Variants in CACNA1B observed in about 807,000 individuals in gnomAD.
CACNA1B encodes the protein calcium voltage-gated channel subunit alpha1 B.
Under a neutral mutation model 247.2 loss-of-function variants are expected in CACNA1B, and 70 were observed. That is an observed-to-expected ratio of 0.28 (90% CI 0.23 to 0.35). The LOEUF (loss-of-function observed/expected upper bound fraction) is 0.35. CACNA1B is among the 10% of genes least tolerant of loss of function. The pLI is 1.00. For missense variants in CACNA1B, 2,367 were observed against 3,197.4 expected (o/e 0.74, Z 6.26); for synonymous variants, 1,231 against 1,294.4 (o/e 0.95, Z 1.05).
At chr9:137,918,294 C>A (rs564323120) in intron 6 of CACNA1B, among the ~76,000 whole-genome samples, 2 of 152,062 alleles carry the variant, frequency 1.3e-5, no homozygotes, top group Non-Finnish European at 2.9e-5. Flanking sequence ...CCCCCACCAC[C>A]GACTCTTGAG....
At chr9:138,103,249 C>T (rs1961314218) in intron 38 of CACNA1B, among the ~76,000 whole-genome samples, 1 of 152,192 alleles carries the variant, frequency 6.6e-6, no homozygotes, top group African/African-American at 2.4e-5. Context: ...GCCCTGGGGG[C>T]AGGTGGGGCC....
intron 12 of CACNA1B, among the ~76,000 whole-genome samples, chr9:137,981,733 C>T (rs1384517117): frequency 1.3e-5 from 2 of 152,238 alleles, no homozygotes; most frequent in African/African-American, 4.8e-5. Context: ...CCTGCCTCAG[C>T]CTCCCAAAGT....
intron 36 of CACNA1B, among the ~76,000 whole-genome samples, chr9:138,086,129 C>G (rs1187119726): frequency 6.6e-6 from 1 of 151,210 alleles, no homozygotes; most frequent in Non-Finnish European, 1.5e-5. Flanking sequence ...TAAGTCCTAC[C>G]TATAAATGAT....
chr9:138,121,761 G>A lies in CACNA1B; in HGVS notation c.6782G>A (p.Gly2261Glu). ...GSRIGSDPYL[G>E]QRLDSEASVH... Reference sequence around the variant, plus strand: ...CGAATTGGCTCTGACCCTTACCTGGGGCAGCGTCTGGACAGTGAGGCCTCT... The same window carrying A: ...CGAATTGGCTCTGACCCTTACCTGGAGCAGCGTCTGGACAGTGAGGCCTCT... Residue 2261 changes from glycine (G) to glutamate (E), a missense_variant, in exon 47 of 47, where the codon GGG becomes GAG. Around this residue, in one of 12 missense-constraint regions of CACNA1B, gnomAD observed 773 missense variants for 779.4 expected, o/e 0.99. Coordinates refer to ENST00000371372, the MANE Select transcript of CACNA1B (RefSeq NM_000718.4). This position sits in a 1 kb window ranked among gnomAD's most constrained non-coding sequence, Gnocchi z 6.8. 6.2e-7 allele frequency: 1 copy of A among 1,613,250 alleles called. No homozygotes were observed. Among genetic ancestry groups the A allele is most frequent in the Middle Eastern group, 1.6e-4 (1 of 6,062 alleles).
chr9:138,112,999 C>T (rs1467216515), intron 40 of CACNA1B, among the ~76,000 whole-genome samples: 9 of 135,446 alleles, frequency 6.6e-5, no homozygotes, highest in African/African-American at 8.6e-5. Flanking sequence ...TCGTGGGAGA[C>T]GTGAGGGAGC....
chr9:138,096,359 G>C, intron 36 of CACNA1B, 125 bp from the exon 37 acceptor site: 1 of 758,726 alleles, frequency 1.3e-6, no homozygotes, highest in Non-Finnish European at 2.3e-6. Context: ...TCGGGCATGT[G>C]CTGGTCAAAT....
At chr9:137,902,213 C>A (rs1957247951) in intron 3 of CACNA1B, among the ~76,000 whole-genome samples, 1 of 152,082 alleles carries the variant, frequency 6.6e-6, no homozygotes, top group African/African-American at 2.4e-5. Flanking sequence ...GAAATTTCTC[C>A]ATTAACGTTT....
At chr9:137,907,225 T>G (rs1957309554) in intron 3 of CACNA1B, among the ~76,000 whole-genome samples, 1 of 152,282 alleles carries the variant, frequency 6.6e-6, no homozygotes, top group African/African-American at 2.4e-5. Context: ...CATAGGCTTA[T>G]TTAGTTTTAC....
At chr9:138,115,453 G>C in intron 41 of CACNA1B, 99 bp from the exon 42 acceptor site, 1 of 1,309,362 alleles carries the variant, frequency 7.6e-7, no homozygotes, top group Non-Finnish European at 1.1e-6. Context: ...GCTTGAACAT[G>C]ACCTGGCTTT....
At chr9:137,897,026 CT>C (rs1957181092) in intron 3 of CACNA1B, among the ~76,000 whole-genome samples, 1 of 151,992 alleles carries the variant, frequency 6.6e-6, no homozygotes, top group African/African-American at 2.4e-5. Context: ...GTGTGTGGGG[CT>C]TTTTCTTTCC....
intron 35 of CACNA1B, among the ~76,000 whole-genome samples, chr9:138,077,166 AC>A (rs1216694951): frequency 6.6e-6 from 1 of 151,326 alleles, no homozygotes; most frequent in East Asian, 1.9e-4. Flanking sequence ...CCCTGCAGGA[AC>A]CCCCCTGCCT....
At chr9:138,043,105 G>A (rs56372698) in intron 20 of CACNA1B, among the ~76,000 whole-genome samples, 2,000 of 152,298 alleles carry the variant, frequency 0.013, 18 homozygotes, top group Non-Finnish European at 0.021. Flanking sequence ...ACAAGGTGGC[G>A]GCCATATTAG....
rs1009707918 is a variant in CACNA1B, at chr9:137,901,111, G to GTGTGTC, written c.531-12058_531-12053dup. ...TCTGTGTCTGTGTGTCCTTGTGTCT[G>GTGTGTC]TGTGTCTGTGTCTGTGCTGTGTGTC... On this transcript the variant is annotated intron_variant, in intron 3 of 46. Coordinates refer to ENST00000371372, the MANE Select transcript of CACNA1B (RefSeq NM_000718.4). 3.1e-4 allele frequency among the ~76,000 whole-genome samples: 46 copies of GTGTGTC among 149,662 alleles called. 1 individual carries two copies. The highest frequency in any genetic ancestry group is 6.0e-4 in the Admixed American group (9 of 15,048).
chr9:138,030,043 C>T (rs1391108913), intron 20 of CACNA1B, among the ~76,000 whole-genome samples: 1 of 152,120 alleles, frequency 6.6e-6, no homozygotes, highest in Non-Finnish European at 1.5e-5. Flanking sequence ...TTAGTTTTTT[C>T]CTTTCTGACA....
rs778736864 is a variant in CACNA1B, at chr9:137,882,705, TA to T, written c.391-38del. ...CGTCTCTGCCCGCTACTACACCGGG[TA>T]GGGGCCAGGGGTGACCACTGTTCTG... On this transcript the variant is annotated intron_variant, in intron 2 of 46. Coordinates refer to ENST00000371372, the MANE Select transcript of CACNA1B (RefSeq NM_000718.4). This position sits in a 1 kb window ranked among gnomAD's most constrained non-coding sequence, Gnocchi z 4.0. 2.5e-6 allele frequency: 4 copies of T among 1,611,984 alleles called. No homozygotes were observed. The East Asian group carries it at 8.9e-5, about 36-fold the overall frequency.
rs754412296 is a variant in CACNA1B, at chr9:138,058,047, A to G, written c.4107-2A>G. 1 of 1,613,094 alleles carries G rather than the reference A, an allele frequency of 6.2e-7. No individual in the cohort carries two copies. Among genetic ancestry groups the G allele is most frequent in the Non-Finnish European group, 8.5e-7 (1 of 1,179,030 alleles). ...CTGACACTTGCTCTCCTCTTTGCCC[A>G]GGGTGCTGAAACACTCCGTGGATGC... On this transcript the variant is annotated splice_acceptor_variant, in intron 27 of 46. Coordinates refer to ENST00000371372, the MANE Select transcript of CACNA1B (RefSeq NM_000718.4). LOFTEE classifies it high-confidence loss of function. This position sits in a 1 kb window ranked among gnomAD's most constrained non-coding sequence, Gnocchi z 4.7.
chr9:137,900,364 G>A (rs1028330900), intron 3 of CACNA1B, among the ~76,000 whole-genome samples: 1 of 152,148 alleles, frequency 6.6e-6, no homozygotes, highest in African/African-American at 2.4e-5. Context: ...AGCACTCCCC[G>A]ACCTTGGGTG....
chr9:138,093,845 G>A (rs763590784), intron 36 of CACNA1B, among the ~76,000 whole-genome samples: 1 of 152,184 alleles, frequency 6.6e-6, no homozygotes, highest in Non-Finnish European at 1.5e-5. Flanking sequence ...AAATGGTGGT[G>A]TGGAAAATAG....
At position 138,008,191 on chromosome 9, in the gene CACNA1B, C is replaced by T. The variant is rs541510228; in HGVS notation, c.2092+1307C>T. Among the ~76,000 whole-genome samples, 50 of 152,314 alleles carry T rather than the reference C, an allele frequency of 3.3e-4. No individual in the cohort carries two copies. The East Asian group carries it at 9.1e-3, about 28-fold the overall frequency. ...CGGAGGCACCAAAGAAAGGCAGCCC[C>T]GGTTGTCAGAGAGGGACGGAAGCCT... On this transcript the variant is annotated intron_variant, in intron 16 of 46. Coordinates refer to ENST00000371372, the MANE Select transcript of CACNA1B (RefSeq NM_000718.4).
Sources: allele counts gnomAD v4.1 joint callset (sites outside exome capture counted in the v4.1 genomes callset), GRCh38; gene constraint gnomAD v4.1.1; regional missense constraint gnomAD v4.1.1; non-coding constraint Gnocchi (gnomAD v3.1); transcripts MANE v1.5; gene names NCBI Gene and HGNC (gene_info 2026-07-23, HGNC 2026-07-21).